VPS13C: variants seen among roughly 807,000 people sequenced by gnomAD.
VPS13C encodes the protein intermembrane lipid transfer protein VPS13C.
In VPS13C, 358 loss-of-function variants were observed where a neutral mutation model predicts 456.8. That is an observed-to-expected ratio of 0.78 (90% CI 0.72 to 0.86). The LOEUF (loss-of-function observed/expected upper bound fraction) is 0.86, where lower values mean the gene tolerates loss of function less well. VPS13C is among the 40% of genes least tolerant of loss of function. The probability of loss-of-function intolerance (pLI) is 0.00; values close to 1 mark genes in which losing one functional copy is unlikely to be tolerated. For missense variants in VPS13C, 4,818 were observed against 4,385.4 expected, an observed-to-expected ratio of 1.10 and a Z score of -2.79; for synonymous variants, 1,578 against 1,486.7, an observed-to-expected ratio of 1.06 and a Z score of -1.41.
At chr15:61,992,238 C>T (rs2046245311) in intron 16 of VPS13C, among the ~76,000 whole-genome samples, 1 of 152,154 alleles carries the variant, frequency 6.6e-6, no homozygotes, top group African/African-American at 2.4e-5. Context: ...CTAACTAGGA[C>T]AGTGGCAGAA....
intron 49 of VPS13C, among the ~76,000 whole-genome samples, chr15:61,933,856 T>A (rs914051703): frequency 5.9e-5 from 9 of 152,034 alleles, no homozygotes; most frequent in Non-Finnish European, 1.0e-4. Context: ...CCAAAGTCAC[T>A]ACTAAATTAT....
intron 36 of VPS13C, 85 bp downstream of exon 36, chr15:61,959,363 G>A: frequency 1.3e-5 from 16 of 1,250,530 alleles, no homozygotes; most frequent in Non-Finnish European, 1.7e-5. Flanking sequence ...CAGCAAAAGA[G>A]TCTACATTTC....
chr15:61,979,078 C>T (rs1446476114), intron 22 of VPS13C, among the ~76,000 whole-genome samples: 2 of 152,076 alleles, frequency 1.3e-5, no homozygotes, highest in African/African-American at 4.8e-5. Context: ...GCTCCCCTGA[C>T]CCCCACCCTA....
intron 14 of VPS13C, 31 bp downstream of exon 14, chr15:62,008,624 C>T: frequency 6.6e-7 from 1 of 1,504,382 alleles, no homozygotes; most frequent in East Asian, 2.3e-5. Flanking sequence ...TTATATGTTC[C>T]TCACAAAACA....
At chr15:61,940,449 GAAAC>G (rs2140254439) in intron 47 of VPS13C, among the ~76,000 whole-genome samples, 194 bp downstream of exon 47, 1 of 152,058 alleles carries the variant, frequency 6.6e-6, no homozygotes, top group East Asian at 1.9e-4. Context: ...TTTTAAATAG[GAAAC>G]AAAATCTAGT....
intron 50 of VPS13C, among the ~76,000 whole-genome samples, chr15:61,930,365 G>A (rs190464232): frequency 6.6e-6 from 1 of 152,198 alleles, no homozygotes; most frequent in East Asian, 1.9e-4. Flanking sequence ...CACAAAATTT[G>A]CAAACTAGAA....
intron 47 of VPS13C, among the ~76,000 whole-genome samples, chr15:61,938,803 A>C (rs1414647615): frequency 6.6e-6 from 1 of 152,130 alleles, no homozygotes; most frequent in East Asian, 1.9e-4. Flanking sequence ...CCCCGTGTGT[A>C]CTTCTCTGAG....
chr15:61,913,509 T>C, intron 61 of VPS13C, 94 bp from the exon 62 acceptor site: 1 of 1,073,920 alleles, frequency 9.3e-7, no homozygotes, highest in Non-Finnish European at 1.4e-6. Context: ...GAAATTTCTT[T>C]AGTACCGTGG....
intron 57 of VPS13C, 24 bp downstream of exon 57, chr15:61,920,043 T>A (rs1486032893): frequency 1.3e-6 from 2 of 1,554,822 alleles, no homozygotes; most frequent in Non-Finnish European, 8.7e-7. Flanking sequence ...TAAGATACCC[T>A]TAAGGAAAAC....
In VPS13C at chr15:61,927,165, C is replaced by T; in HGVS notation, c.6442G>A (p.Glu2148Lys). Reference sequence around the variant, plus strand: ...ACTTTCAGATCTCTCACAGAAGCTTCCATCATCTGTTCGAGTTTGGATGTT... The same window carrying T: ...ACTTTCAGATCTCTCACAGAAGCTTTCATCATCTGTTCGAGTTTGGATGTT... ...LSTSKLEQMM[E>K]ASVRDLKVLA... is the part of the protein sequence containing the mutation. Residue 2148 changes from glutamate (E) to lysine (K), a missense_variant, in exon 52 of 85, where the codon GAA becomes AAA. Coordinates refer to ENST00000644861, the MANE Select transcript of VPS13C (RefSeq NM_020821.3). 6.2e-7 allele frequency: 1 copy of T among 1,614,166 alleles called. No homozygotes were observed. Among genetic ancestry groups the T allele is most frequent in the Middle Eastern group, 1.6e-4 (1 of 6,062 alleles).
At chr15:62,041,490 G>A in intron 2 of VPS13C, 124 bp from the exon 3 acceptor site, 1 of 875,314 alleles carries the variant, frequency 1.1e-6, no homozygotes. Flanking sequence ...TTCTATATTT[G>A]AATAACTCAT....
At chr15:62,007,590 T>A in intron 14 of VPS13C, 111 bp from the exon 15 acceptor site, 1 of 900,310 alleles carries the variant, frequency 1.1e-6, no homozygotes, top group Non-Finnish European at 1.5e-6. Flanking sequence ...TCTTCTTAAC[T>A]GTCTTCCTAT....
At chr15:62,010,689 A>G (rs555086359) in intron 12 of VPS13C, 90 bp from the exon 13 acceptor site, 1 of 1,267,856 alleles carries the variant, frequency 7.9e-7, no homozygotes, top group East Asian at 2.8e-5. Context: ...TTACTCTAGA[A>G]GTAAAGAAAA....
chr15:61,961,436 CACACACAA>C (rs955890272), intron 35 of VPS13C, among the ~76,000 whole-genome samples, 145 bp downstream of exon 35: 1 of 114,690 alleles, frequency 8.7e-6, no homozygotes, highest in Non-Finnish European at 2.1e-5. Context: ...CACACACACA[CACACACAA>C]AACAATGACA....
chr15:61,966,029 T>C, intron 30 of VPS13C, 54 bp downstream of exon 30: 2 of 1,412,004 alleles, frequency 1.4e-6, no homozygotes, highest in Non-Finnish European at 2.0e-6. Flanking sequence ...TACTAGAGGC[T>C]TTGAGACTAG....
intron 5 of VPS13C, among the ~76,000 whole-genome samples, chr15:62,029,373 A>G (rs942437942): frequency 8.1e-4 from 123 of 152,134 alleles, no homozygotes; most frequent in African/African-American, 2.9e-3. Flanking sequence ...TAGCTTTCCA[A>G]CCCTACATCC....
At chr15:62,042,777 C>T (rs1434916392) in intron 2 of VPS13C, among the ~76,000 whole-genome samples, 1 of 151,846 alleles carries the variant, frequency 6.6e-6, no homozygotes, top group East Asian at 1.9e-4. Context: ...ATATAAATTA[C>T]AGGGGGAAGG....
chr15:61,871,922 T>C, intron 79 of VPS13C, 67 bp downstream of exon 79: 1 of 1,371,732 alleles, frequency 7.3e-7, no homozygotes, highest in Middle Eastern at 2.0e-4. Context: ...AGCAATAACA[T>C]CTACTATGTT....
intron 25 of VPS13C, 118 bp downstream of exon 25, chr15:61,974,170 T>TTACTTTCATTTCTGTACTTTTGG (rs2045635899): frequency 9.5e-7 from 1 of 1,057,130 alleles, no homozygotes; most frequent in African/African-American, 1.6e-5. Flanking sequence ...GAAAGACATT[T>TTACTTTCATTTCTGTACTTTTGG]TACTTTCATT....
Sources: allele counts gnomAD v4.1 joint callset (sites outside exome capture counted in the v4.1 genomes callset), GRCh38; gene constraint gnomAD v4.1.1; transcripts MANE v1.5; gene names NCBI Gene and HGNC (gene_info 2026-07-23, HGNC 2026-07-21).